SYNCRIP: variants seen among roughly 807,000 people sequenced by gnomAD.
SYNCRIP encodes the protein synaptotagmin binding cytoplasmic RNA interacting protein, also known as heterogeneous nuclear ribonucleoprotein Q.
Under a neutral mutation model 68.9 loss-of-function variants are expected in SYNCRIP, and 9 were observed. That is an observed-to-expected ratio of 0.13 (90% CI 0.08 to 0.23). The LOEUF is 0.23. SYNCRIP is among the 10% of genes least tolerant of loss of function. The pLI is 1.00. For synonymous variants in SYNCRIP, 258 were observed against 254.0 expected (o/e 1.02, Z -0.15); for missense variants, 414 against 770.6 (o/e 0.54, Z 5.48).
Position 85,614,943 on chromosome 6 carries a change from C to A in SYNCRIP, c.1685G>T (p.Gly562Val). 1 of 1,614,100 alleles carries A rather than the reference C, an allele frequency of 6.2e-7. No homozygotes were observed. Among genetic ancestry groups the A allele is most frequent in the Non-Finnish European group, 8.5e-7 (1 of 1,180,000 alleles). ...GTACCCATCAGCTTTGCGCTTTCCTCCTACATTTCCACCGCGGCCACCCCT... is the reference window on the plus strand; with the variant it reads ...GTACCCATCAGCTTTGCGCTTTCCTACTACATTTCCACCGCGGCCACCCCT... ...GARGGRGGNV[G>V]GKRKADGYNQ... is the part of the protein sequence containing the mutation. The change falls in exon 11 of 11, where the codon GGA (glycine) becomes GTA (valine). Residue 562 changes from glycine (G) to valine (V), a missense_variant. By Grantham distance (109) the Gly-to-Val change is moderately radical (BLOSUM62 -3). This residue lies in a region of SYNCRIP where 130 missense variants were observed against 149.0 expected (regional missense o/e 0.87). Coordinates refer to ENST00000369622, the MANE Select transcript of SYNCRIP (RefSeq NM_006372.5).
intron 6 of SYNCRIP, among the ~76,000 whole-genome samples, chr6:85,634,514 T>G (rs140480698): frequency 6.6e-6 from 1 of 151,958 alleles, no homozygotes; most frequent in Non-Finnish European, 1.5e-5. Context: ...CCATGAATGC[T>G]CAACTCTCTT....
chr6:85,609,234 TATTTA>T (rs1805058981), downstream of SYNCRIP: 1 of 151,932 alleles, frequency 6.6e-6, no homozygotes, highest in Admixed American at 6.6e-5. Flanking sequence ...GAAGCCCTTC[TATTTA>T]ATTTCTCTCC....
chr6:85,641,229 G>T, intron 2 of SYNCRIP, 63 bp downstream of exon 2: 1 of 1,444,266 alleles, frequency 6.9e-7, no homozygotes, highest in Admixed American at 1.8e-5. Context: ...TGCTATTTTA[G>T]CTCAAAGCCA....
intron 6 of SYNCRIP, among the ~76,000 whole-genome samples, chr6:85,630,347 C>A (rs1206665093): frequency 6.6e-6 from 1 of 152,106 alleles, no homozygotes; most frequent in African/African-American, 2.4e-5. Context: ...GGCAACAGAG[C>A]GAGACTCCAT....
At chr6:85,626,895 A>T (rs764778377) in intron 6 of SYNCRIP, among the ~76,000 whole-genome samples, 15 of 152,216 alleles carry the variant, frequency 9.9e-5, no homozygotes, top group Non-Finnish European at 2.1e-4. Context: ...GTGGTCTCTG[A>T]ACAACATAAA....
chr6:85,620,139 G>A (rs975109514), intron 8 of SYNCRIP, among the ~76,000 whole-genome samples: 2 of 152,120 alleles, frequency 1.3e-5, no homozygotes, highest in Non-Finnish European at 2.9e-5. Context: ...CCAGCTACTC[G>A]GGAGGCTGAA....
rs1008588868 is a variant in SYNCRIP at position 85,640,385 on chromosome 6, T to C, written c.268-57A>G. On this transcript the variant is annotated intron_variant, in intron 3 of 10. Transcript: ENST00000369622. ...ATAACCATATCTGAGTCTAATAAAA[T>C]TCAGCAGATAGTATCAAAACTACTC... 7 of 1,585,534 alleles carry C rather than the reference T, an allele frequency of 4.4e-6. No individual in the cohort carries two copies. The African/African-American group carries it at 9.5e-5, about 21-fold the overall frequency.
chr6:85,619,144 G>A, intron 9 of SYNCRIP, 124 bp downstream of exon 9: 1 of 1,394,278 alleles, frequency 7.2e-7, no homozygotes, highest in Non-Finnish European at 9.8e-7. Context: ...AAACCAAAAG[G>A]TTTTAGTTTG....
chr6:85,643,294 G>C (rs1262887925), upstream of SYNCRIP: 1 of 151,794 alleles, frequency 6.6e-6, no homozygotes, highest in East Asian at 2.0e-4. Context: ...AGTCCCTGCC[G>C]AGTCGGCTCC....
At chr6:85,621,683 G>C (rs1018740037) in intron 8 of SYNCRIP, among the ~76,000 whole-genome samples, 7 of 151,356 alleles carry the variant, frequency 4.6e-5, no homozygotes, top group Non-Finnish European at 8.8e-5. Flanking sequence ...GTAATAAAGT[G>C]TTGACTCAAG....
At chr6:85,609,541 C>G (rs1321174282), downstream of SYNCRIP, 1 of 151,912 alleles carries the variant, frequency 6.6e-6, no homozygotes, top group East Asian at 1.9e-4. Context: ...CATGAGTGTA[C>G]AACAGTTGTG....
intron 8 of SYNCRIP, among the ~76,000 whole-genome samples, chr6:85,621,036 T>C (rs1806322108): frequency 6.6e-6 from 1 of 152,234 alleles, no homozygotes; most frequent in Non-Finnish European, 1.5e-5. Context: ...TTCTCAATCC[T>C]GAAAGCTTCT....
At chr6:85,623,788 C>A (rs1025957766) in intron 7 of SYNCRIP, among the ~76,000 whole-genome samples, 189 bp downstream of exon 7, 25 of 152,140 alleles carry the variant, frequency 1.6e-4, no homozygotes, top group African/African-American at 5.8e-4. Context: ...CAACGTTTGG[C>A]AAGTTATTTC....
chr6:85,643,350 C>T (rs1160463647), upstream of SYNCRIP: 1 of 152,642 alleles, frequency 6.6e-6, no homozygotes, highest in African/African-American at 2.4e-5. Flanking sequence ...GCCTACGCCT[C>T]GGGACGCGCG....
chr6:85,626,091 T>C (rs189778102), intron 6 of SYNCRIP, among the ~76,000 whole-genome samples: 5 of 152,372 alleles, frequency 3.3e-5, no homozygotes, highest in Non-Finnish European at 7.3e-5. Flanking sequence ...ATAGCATTCA[T>C]GTCTTTCTCT....
At chr6:85,643,601 C>A (rs1809466441), upstream of SYNCRIP, 2 of 149,844 alleles carry the variant, frequency 1.3e-5, no homozygotes, top group African/African-American at 2.4e-5. Context: ...CATCTCCCCA[C>A]CCCGCCCCAC....
chr6:85,640,803 C>A (rs1212572418), intron 2 of SYNCRIP, among the ~76,000 whole-genome samples: 1 of 152,072 alleles, frequency 6.6e-6, no homozygotes, highest in Non-Finnish European at 1.5e-5. Flanking sequence ...TCTCCAAAGT[C>A]TGATAACTCT....
chr6:85,614,775 A>T lies in SYNCRIP; in HGVS notation c.1853T>A (p.Phe618Tyr). The T allele has an allele frequency of 6.2e-7, 1 of 1,603,736 alleles. No individual in the cohort carries two copies. Among genetic ancestry groups the T allele is most frequent in the Non-Finnish European group, 8.5e-7 (1 of 1,175,474 alleles). The change falls in exon 11 of 11, where the codon TTT (phenylalanine) becomes TAT (tyrosine). Residue 618 changes from phenylalanine (F) to tyrosine (Y), a missense_variant. Phe to Tyr is a conservative substitution (Grantham distance 22, BLOSUM62 3). Transcript: ENST00000369622. ...SENQEFYQDT[F>Y]GQQWK ...CTGTTTCTACTTCCACTGTTGCCCA[A>T]AAGTATCCTGATAAAACTCCTGGTT...
intron 7 of SYNCRIP, 39 bp from the exon 8 acceptor site, chr6:85,622,726 T>C (rs1236372692): frequency 2.0e-6 from 3 of 1,509,060 alleles, no homozygotes; most frequent in Non-Finnish European, 2.8e-6. Context: ...TTAGATGAAA[T>C]AACTAGCAAA....
Sources: gnomAD v4.1 joint callset for allele counts (sites outside exome capture counted in the v4.1 genomes callset) on GRCh38, gnomAD v4.1.1 for gene constraint, gnomAD v4.1.1 regional missense constraint, MANE v1.5 for transcripts, NCBI Gene and HGNC (gene_info 2026-07-23, HGNC 2026-07-21) for gene names.